GALNT17: variants seen among roughly 807,000 people sequenced by gnomAD.
The protein encoded by GALNT17 is UDP-GalNAc:polypeptide N-acetylgalactosaminyltransferase-like 3.
GALNT17 carries 29 observed loss-of-function variants against 63.7 expected under a neutral mutation model. The ratio of observed to expected loss-of-function variants is 0.46; its 90% confidence interval spans 0.34 to 0.62. GALNT17 has a LOEUF of 0.62. Ranked by LOEUF, GALNT17 falls within the 20% of genes least tolerant of loss-of-function variation. The pLI, the probability that GALNT17 is intolerant of heterozygous loss-of-function variation, is 0.01. For synonymous variants in GALNT17, 305 were observed against 318.3 expected (o/e 0.96, Z 0.45); for missense variants, 603 against 799.6 (o/e 0.75, Z 2.97).
chr7:71,677,395 C>A, intron 9 of GALNT17, 89 bp downstream of exon 9: 1 of 1,273,314 alleles, frequency 7.9e-7, no homozygotes, highest in Non-Finnish European at 1.1e-6. Flanking sequence ...AACTTTGTTG[C>A]TGTCTACCTT....
intron 5 of GALNT17, among the ~76,000 whole-genome samples, chr7:71,548,110 C>T (rs1045624843): frequency 2.0e-5 from 3 of 151,564 alleles, no homozygotes; most frequent in African/African-American, 4.8e-5. Flanking sequence ...GGTGTAGTGG[C>T]GTGCACCTGT....
At chr7:71,517,096 C>T (rs150840812) in intron 5 of GALNT17, among the ~76,000 whole-genome samples, 413 of 152,224 alleles carry the variant, frequency 2.7e-3, no homozygotes, top group Non-Finnish European at 4.5e-3. Flanking sequence ...CTTAGGCGAC[C>T]GTAACAAAAA....
In GALNT17 at chr7:71,665,425, G is replaced by T; in HGVS notation, c.1095G>T (p.Gly365=). Reference sequence around the variant, plus strand: ...TGTACCCCTAGGTATGGCTCTGTGGGGGCAGCATGGAGGTCCTTCCTTGCT... The same window carrying T: ...TGTACCCCTAGGTATGGCTCTGTGGTGGCAGCATGGAGGTCCTTCCTTGCT... The part of the protein sequence containing the change: ...IELGIKVWLC[G]GSMEVLPCSR... The change falls in exon 7 of 11, where the codon GGG becomes GGT. Residue 365 remains glycine, a synonymous_variant. Coordinates refer to ENST00000333538, the MANE Select transcript of GALNT17 (RefSeq NM_022479.3). The T allele has an allele frequency of 6.2e-7, 1 of 1,610,934 alleles. No homozygotes were observed. Among genetic ancestry groups the T allele is most frequent in the Admixed American group, 1.7e-5 (1 of 59,550 alleles).
chr7:71,587,890 T>A (rs994557106), intron 6 of GALNT17, among the ~76,000 whole-genome samples: 37 of 152,186 alleles, frequency 2.4e-4, no homozygotes, highest in Non-Finnish European at 4.8e-4. Flanking sequence ...AAGTCAAAAT[T>A]AAAATATTGC....
At chr7:71,638,174 T>G (rs929473149) in intron 6 of GALNT17, among the ~76,000 whole-genome samples, 4 of 152,224 alleles carry the variant, frequency 2.6e-5, no homozygotes, top group Non-Finnish European at 5.9e-5. Flanking sequence ...GCTAATGCAT[T>G]ATAATTAGCA....
At chr7:71,240,032 A>G (rs1235821516) in intron 1 of GALNT17, among the ~76,000 whole-genome samples, 2 of 152,172 alleles carry the variant, frequency 1.3e-5, no homozygotes, top group African/African-American at 4.8e-5. Flanking sequence ...CTTTGGACAT[A>G]TTGAAATAAA....
In GALNT17 at chr7:71,712,209, G is replaced by T; in HGVS notation, c.*63G>T. On this transcript the variant is annotated 3_prime_UTR_variant, in exon 11 of 11. Transcript: ENST00000333538. ...ACATGGCTGCTCCCCCCAACATCTG[G>T]ACCAGCTGCCCTGGCGGAGAGACAG... The T allele has an allele frequency of 6.4e-7, 1 of 1,573,572 alleles. No individual in the cohort carries two copies. The highest frequency in any genetic ancestry group is 1.2e-5 in the South Asian group (1 of 86,464).
At chr7:71,390,951 G>C (rs1348641612) in intron 3 of GALNT17, among the ~76,000 whole-genome samples, 1 of 152,248 alleles carries the variant, frequency 6.6e-6, no homozygotes, top group Non-Finnish European at 1.5e-5. Flanking sequence ...CGAGGGAGCT[G>C]TGGTATTTAT....
rs150666254 is a variant in GALNT17 at position 71,502,295 on chromosome 7, C to T, written c.963-68990C>T. ...TATCCCATCTTTCACAGTCTTGTTA[C>T]GTGTGATGTTGACACTTTCTCCACT... On this transcript the variant is annotated intron_variant, in intron 5 of 10. Transcript: ENST00000333538. Among the ~76,000 whole-genome samples, 16 of 152,254 alleles carry T rather than the reference C, an allele frequency of 1.1e-4. No homozygotes were observed. In the East Asian group the frequency reaches 1.7e-3, roughly 17 times the overall value.
intron 1 of GALNT17, among the ~76,000 whole-genome samples, chr7:71,298,406 A>G (rs1168366521): frequency 6.6e-6 from 1 of 152,170 alleles, no homozygotes; most frequent in African/African-American, 2.4e-5. Flanking sequence ...ATAAGGATAT[A>G]TAGTATATAT....
chr7:71,647,227 C>CTTTTTTTTTTTTTTTT (rs1167069191), intron 6 of GALNT17, among the ~76,000 whole-genome samples: 1 of 13,322 alleles, frequency 7.5e-5, no homozygotes, highest in African/African-American at 1.5e-4. Flanking sequence ...CTGTGCCCAG[C>CTTTTTTTTTTTTTTTT]TATTTTTTTT....
intron 5 of GALNT17, among the ~76,000 whole-genome samples, chr7:71,451,980 C>G (rs1787270624): frequency 6.6e-6 from 1 of 151,914 alleles, no homozygotes; most frequent in Admixed American, 6.6e-5. Flanking sequence ...GAGGCCAAGG[C>G]AGGAGGATCT....
intron 1 of GALNT17, among the ~76,000 whole-genome samples, chr7:71,282,340 G>A (rs944854287): frequency 6.6e-6 from 1 of 152,210 alleles, no homozygotes; most frequent in African/African-American, 2.4e-5. Flanking sequence ...TTAGCCTGGT[G>A]GGAGAAGAAG....
chr7:71,407,277 C>A (rs1793345103), intron 3 of GALNT17, among the ~76,000 whole-genome samples: 1 of 152,130 alleles, frequency 6.6e-6, no homozygotes, highest in East Asian at 1.9e-4. Context: ...AAGCTAGGAG[C>A]AGAGATGTGC....
intron 1 of GALNT17, among the ~76,000 whole-genome samples, chr7:71,209,540 C>T (rs139231451): frequency 2.0e-5 from 3 of 151,882 alleles, no homozygotes. Flanking sequence ...GCTGTGTCAC[C>T]CAGGCTAGAC....
intron 1 of GALNT17, among the ~76,000 whole-genome samples, chr7:71,234,780 T>G (rs576759909): frequency 2.6e-5 from 4 of 152,292 alleles, no homozygotes; most frequent in African/African-American, 7.2e-5. Context: ...CAAGCAGGTT[T>G]CCATATTAGG....
At chr7:71,606,028 C>T (rs1790041847) in intron 6 of GALNT17, among the ~76,000 whole-genome samples, 1 of 152,192 alleles carries the variant, frequency 6.6e-6, no homozygotes, top group Non-Finnish European at 1.5e-5. Flanking sequence ...CAACCTCTGC[C>T]TCCTTGGCTC....
chr7:71,424,595 C>G (rs1486792303), intron 5 of GALNT17, among the ~76,000 whole-genome samples: 1 of 152,162 alleles, frequency 6.6e-6, no homozygotes, highest in Non-Finnish European at 1.5e-5. Context: ...TGACATGCAT[C>G]TCTGTTGTAC....
At chr7:71,396,032 T>A (rs1793132462) in intron 3 of GALNT17, among the ~76,000 whole-genome samples, 1 of 152,210 alleles carries the variant, frequency 6.6e-6, no homozygotes, top group Non-Finnish European at 1.5e-5. Context: ...TTTGCAAATA[T>A]GCTTGCAAAT....
Sources: allele counts gnomAD v4.1 joint callset (sites outside exome capture counted in the v4.1 genomes callset), GRCh38; gene constraint gnomAD v4.1.1; transcripts MANE v1.5; gene names NCBI Gene and HGNC (gene_info 2026-07-23, HGNC 2026-07-21).